The following CLDN10 variants were observed in gnomAD, a reference collection of about 807,000 sequenced individuals.
CLDN10 encodes the protein claudin-10.
CLDN10 carries 15 observed loss-of-function variants against 22.9 expected under a neutral mutation model. The ratio of observed to expected loss-of-function variants is 0.65; its 90% confidence interval spans 0.44 to 1.01. The LOEUF is 1.01. CLDN10 is among the 50% of genes least tolerant of loss of function. The pLI, the probability that CLDN10 is intolerant of heterozygous loss-of-function variation, is 0.00. For synonymous variants in CLDN10, 114 were observed against 111.4 expected (o/e 1.02, Z -0.15); for missense variants, 247 against 287.8 (o/e 0.86, Z 1.03).
chr13:95,575,259 T>C (rs1370377571), intron 3 of CLDN10, among the ~76,000 whole-genome samples: 1 of 152,198 alleles, frequency 6.6e-6, no homozygotes, highest in African/African-American at 2.4e-5. Context: ...CCTATAATAA[T>C]GTACTTCATG....
At chr13:95,454,114 C>G (rs2042459767) in intron 1 of CLDN10, among the ~76,000 whole-genome samples, 1 of 151,754 alleles carries the variant, frequency 6.6e-6, no homozygotes, top group African/African-American at 2.4e-5. Flanking sequence ...CAGGTGTCCA[C>G]TGGGCCAGGG....
chr13:95,460,588 C>A (rs973566885), intron 1 of CLDN10, among the ~76,000 whole-genome samples: 1 of 152,166 alleles, frequency 6.6e-6, no homozygotes, highest in Admixed American at 6.5e-5. Context: ...GGGAAAACCA[C>A]CCCCATGATT....
chr13:95,503,527 G>C (rs1427495159), intron 1 of CLDN10, among the ~76,000 whole-genome samples: 1 of 152,114 alleles, frequency 6.6e-6, no homozygotes, highest in Non-Finnish European at 1.5e-5. Flanking sequence ...ATCTCAAAGA[G>C]ATATTTGTAC....
chr13:95,523,480 C>T (rs896751609), intron 1 of CLDN10, among the ~76,000 whole-genome samples: 2 of 152,250 alleles, frequency 1.3e-5, no homozygotes, highest in East Asian at 1.9e-4. Flanking sequence ...TTCAATTTTA[C>T]TTGTGGGATT....
intron 1 of CLDN10, among the ~76,000 whole-genome samples, chr13:95,471,874 C>A (rs67336665): frequency 0.3 from 44,880 of 151,178 alleles, 7,866 homozygotes; most frequent in Non-Finnish European, 0.39. Context: ...CTCACTGCAG[C>A]CTCAGTCTTC....
intron 1 of CLDN10, among the ~76,000 whole-genome samples, chr13:95,462,012 C>T (rs974323853): frequency 6.6e-6 from 1 of 152,202 alleles, no homozygotes; most frequent in Non-Finnish European, 1.5e-5. Flanking sequence ...GGGAAGATCA[C>T]TTGAGCCCAG....
intron 1 of CLDN10, among the ~76,000 whole-genome samples, chr13:95,470,628 G>A (rs1217602392): frequency 5.3e-5 from 8 of 152,094 alleles, no homozygotes; most frequent in Non-Finnish European, 7.4e-5. Context: ...AGTCTCCATG[G>A]AACTCTCATC....
intron 1 of CLDN10, among the ~76,000 whole-genome samples, chr13:95,515,977 G>A (rs932386854): frequency 1.6e-4 from 25 of 152,146 alleles, no homozygotes; most frequent in Non-Finnish European, 3.1e-4. Flanking sequence ...AGGAGGCTGA[G>A]GCAGGAGAAT....
chr13:95,510,953 A>G (rs1051154756), intron 1 of CLDN10, among the ~76,000 whole-genome samples: 1 of 152,178 alleles, frequency 6.6e-6, no homozygotes, highest in Admixed American at 6.5e-5. Flanking sequence ...TACTAAGAAA[A>G]TGTTCAGGGT....
intron 1 of CLDN10, chr13:95,497,138 T>A (rs1181445185): frequency 1.3e-5 from 2 of 150,042 alleles, no homozygotes; most frequent in African/African-American, 2.4e-5. Flanking sequence ...AAAAAAAAAA[T>A]GTCAGCTATA....
chr13:95,567,846 G>C (rs1053239875), intron 3 of CLDN10, among the ~76,000 whole-genome samples: 2 of 152,148 alleles, frequency 1.3e-5, no homozygotes, highest in Non-Finnish European at 2.9e-5. Context: ...GTTGAATTTT[G>C]TCGAAGGCCT....
intron 1 of CLDN10, among the ~76,000 whole-genome samples, chr13:95,474,682 A>C (rs1390296342): frequency 6.6e-6 from 1 of 152,276 alleles, no homozygotes; most frequent in African/African-American, 2.4e-5. Flanking sequence ...GCCCTGTCTC[A>C]GTGAAACTGG....
In CLDN10 at chr13:95,577,234, T is replaced by G; in HGVS notation, c.468T>G (p.Tyr156Ter). The G allele has an allele frequency of 6.2e-7, 1 of 1,609,806 alleles. No homozygotes were observed. Among genetic ancestry groups the G allele is most frequent in the South Asian group, 1.1e-5 (1 of 90,904 alleles). The change falls in exon 4 of 5, where the codon TAT (tyrosine) becomes TAG (stop). Residue 156 changes from tyrosine (Y) to a stop codon, truncating the protein, a stop_gained. Transcript: ENST00000299339. LOFTEE classifies it high-confidence loss of function. ...CTTGTGTAATGCTTTCTCACAGGTATGAATTAGGAGCCGCTCTGTTTATTG... is the reference window on the plus strand; with the variant it reads ...CTTGTGTAATGCTTTCTCACAGGTAGGAATTAGGAGCCGCTCTGTTTATTG... The part of the protein sequence containing the change: ...FFDPLFVEQK[Y>*]ELGAALFIGW...
Position 95,524,947 on chromosome 13 carries a change from C to T in CLDN10, c.215-35185C>T, listed in dbSNP as rs1048703564. On this transcript the variant is annotated intron_variant, in intron 1 of 4. Coordinates refer to the CLDN10 transcript ENST00000376873. The stretch of plus-strand genomic sequence containing the variant: ...AGATCTCGGCTCAACACAACCTCCA[C>T]CCCCCGGGTTCAAGCAATTCTCCTG... Among the ~76,000 whole-genome samples, 7 of 151,932 alleles carry T rather than the reference C, an allele frequency of 4.6e-5. No individual in the cohort carries two copies. In the South Asian group the frequency reaches 1.2e-3, roughly 27 times the overall value.
At chr13:95,437,049 G>T (rs1225343876) in intron 1 of CLDN10, among the ~76,000 whole-genome samples, 1 of 152,048 alleles carries the variant, frequency 6.6e-6, no homozygotes, top group Non-Finnish European at 1.5e-5. Flanking sequence ...AGCTGTCTCG[G>T]TTGTATTTTT....
chr13:95,501,288 A>G lies in CLDN10; in HGVS notation c.215-58844A>G, dbSNP rs558019000. Among the ~76,000 whole-genome samples the G allele has an allele frequency of 9.2e-5, 14 of 152,258 alleles. No homozygotes were observed. In the East Asian group the frequency reaches 2.7e-3, roughly 29 times the overall value. On this transcript the variant is annotated intron_variant, in intron 1 of 4. Transcript: ENST00000376873. Reference sequence around the variant, plus strand: ...CTTGGCCTCCTGAAGTGCTGGGATTACAGGCGTGAGCCACCACATCCAGCC... The same window carrying G: ...CTTGGCCTCCTGAAGTGCTGGGATTGCAGGCGTGAGCCACCACATCCAGCC...
chr13:95,449,739 A>AT (rs59868615), intron 1 of CLDN10, among the ~76,000 whole-genome samples: 28,030 of 131,880 alleles, frequency 0.21, 3,454 homozygotes, highest in Non-Finnish European at 0.29. Flanking sequence ...TAATTTTTAA[A>AT]TTTTTTTTTT....
intron 1 of CLDN10, among the ~76,000 whole-genome samples, chr13:95,542,466 G>T (rs1029806865): frequency 4.6e-5 from 7 of 152,200 alleles, no homozygotes; most frequent in African/African-American, 1.7e-4. Flanking sequence ...CTTTGGCCCA[G>T]TTTGGCCAGA....
upstream of CLDN10, among the ~76,000 whole-genome samples, chr13:95,550,820 C>CT (rs56225257): frequency 8.0e-3 from 687 of 85,542 alleles, 48 homozygotes; most frequent in East Asian, 0.02. Flanking sequence ...TAGGAAGATA[C>CT]TTTTTTTTTT....
Sources: gnomAD v4.1 joint callset for allele counts (sites outside exome capture counted in the v4.1 genomes callset) on GRCh38, gnomAD v4.1.1 for gene constraint, MANE v1.5 for transcripts, NCBI Gene and HGNC (gene_info 2026-07-23, HGNC 2026-07-21) for gene names.